The following NDST3 variants were observed in gnomAD, a reference collection of about 807,000 sequenced individuals.
The protein encoded by NDST3 is N-deacetylase and N-sulfotransferase 3.
In NDST3, 58 loss-of-function variants were observed where a neutral mutation model predicts 96.1. The ratio of observed to expected loss-of-function variants is 0.60; its 90% CI spans 0.49 to 0.75. NDST3 has a LOEUF of 0.75. NDST3 is among the 30% of genes least tolerant of loss of function. The probability of loss-of-function intolerance (pLI) is 0.00; values close to 1 mark genes in which losing one functional copy is unlikely to be tolerated. For synonymous variants in NDST3, 333 were observed against 359.7 expected (o/e 0.93, Z 0.84); for missense variants, 788 against 1,034.2 (o/e 0.76, Z 3.27).
Position 118,205,348 on chromosome 4 carries a change from T to C in NDST3, c.1540-19143T>C, listed in dbSNP as rs1348462024. ...ATTGCCATTGAGTTCATATGCTAGA[T>C]ACATTGAGTTTATCTATTTATATAT... On this transcript the variant is annotated intron_variant, in intron 6 of 13. Coordinates refer to ENST00000296499, the MANE Select transcript of NDST3 (RefSeq NM_004784.3). 2.1e-5 allele frequency among the ~76,000 whole-genome samples: 3 copies of C among 144,800 alleles called. No individual in the cohort carries two copies. In the East Asian group the frequency reaches 5.9e-4, roughly 28 times the overall value. The allele number at this position is 144,800 out of a possible 152,430, so 95.0% of individuals were successfully genotyped here. A position where few individuals can be genotyped will look rare whatever the true frequency, so the allele number is the denominator to read the frequency against.
chr4:118,039,151 T>A (rs991680733), intron 1 of NDST3, among the ~76,000 whole-genome samples: 1 of 152,214 alleles, frequency 6.6e-6, no homozygotes, highest in Non-Finnish European at 1.5e-5. Context: ...AGCAACTCTA[T>A]TCATGCTGAA....
chr4:118,143,509 AT>A, intron 5 of NDST3, 46 bp from the exon 6 acceptor site: 1 of 1,576,748 alleles, frequency 6.3e-7, no homozygotes, highest in African/African-American at 1.4e-5. Context: ...CAACAAATTG[AT>A]TGGAAAAAAA....
intron 6 of NDST3, among the ~76,000 whole-genome samples, chr4:118,195,268 C>A (rs1737594757): frequency 2.0e-5 from 3 of 152,168 alleles, no homozygotes; most frequent in African/African-American, 7.2e-5. Context: ...ACCCAAATCT[C>A]ACCTTGAATT....
chr4:118,239,037 T>A (rs913006318), intron 10 of NDST3, among the ~76,000 whole-genome samples: 1 of 152,152 alleles, frequency 6.6e-6, no homozygotes, highest in Non-Finnish European at 1.5e-5. Flanking sequence ...AAGACAAACG[T>A]GGAATGTTCT....
At chr4:118,079,723 T>C (rs936803108) in intron 2 of NDST3, among the ~76,000 whole-genome samples, 1 of 152,186 alleles carries the variant, frequency 6.6e-6, no homozygotes, top group Non-Finnish European at 1.5e-5. Flanking sequence ...AAAATTATAC[T>C]GGCTGTCGTA....
At chr4:118,221,994 A>G (rs1739577871) in intron 6 of NDST3, among the ~76,000 whole-genome samples, 1 of 70,466 alleles carries the variant, frequency 1.4e-5, no homozygotes, top group African/African-American at 3.5e-5. Context: ...TTTCCATCTA[A>G]AAAAAAAAAA....
intron 8 of NDST3, among the ~76,000 whole-genome samples, chr4:118,232,573 G>C (rs2126000202): frequency 6.6e-6 from 1 of 151,864 alleles, no homozygotes; most frequent in South Asian, 2.1e-4. Flanking sequence ...CTGGTGTCAA[G>C]GTTGTAGTGA....
In NDST3 at chr4:118,058,628, TGTGTGTGCGCGC is replaced by T. The variant is rs1165821837; in HGVS notation, c.981+3739_981+3750del. 5.2e-3 allele frequency among the ~76,000 whole-genome samples: 528 copies of T among 101,308 alleles called. 6 individuals carry two copies. Among genetic ancestry groups the T allele is most frequent in the African/African-American group, 0.019 (496 of 25,590 alleles). 66.5% of individuals were successfully genotyped at this position (101,308 alleles called of 152,430 possible). On this transcript the variant is annotated intron_variant, in intron 2 of 13. Transcript: ENST00000296499. ...GTGTGTGTGTGTGTGTGTGTGTGTG[TGTGTGTGCGCGC>T]GCGCGCACGCATGCATGCAAACGTG...
intron 11 of NDST3, among the ~76,000 whole-genome samples, chr4:118,241,383 T>G (rs764722918): frequency 2.6e-5 from 4 of 152,246 alleles, no homozygotes; most frequent in Admixed American, 6.5e-5. Context: ...AGTGCTGGTC[T>G]AGGCTAAACA....
chr4:118,063,417 T>C (rs1045681563), intron 2 of NDST3, among the ~76,000 whole-genome samples: 4 of 152,144 alleles, frequency 2.6e-5, no homozygotes, highest in Non-Finnish European at 4.4e-5. Flanking sequence ...TCAAAGGATA[T>C]GCTGATGAAT....
At chr4:118,184,384 C>T (rs4834668) in intron 6 of NDST3, among the ~76,000 whole-genome samples, 77,726 of 151,710 alleles carry the variant, frequency 0.51, 24,021 homozygotes, top group East Asian at 0.74. Flanking sequence ...CATCCAAATA[C>T]TTAAAAGCCT....
At chr4:118,111,209 G>A (rs977687875) in intron 3 of NDST3, among the ~76,000 whole-genome samples, 1 of 152,154 alleles carries the variant, frequency 6.6e-6, no homozygotes, top group African/African-American at 2.4e-5. Flanking sequence ...ACTACCTGTT[G>A]TGTACTATGC....
intron 6 of NDST3, among the ~76,000 whole-genome samples, chr4:118,192,719 T>G (rs1382330178): frequency 1.3e-5 from 2 of 151,408 alleles, no homozygotes; most frequent in African/African-American, 4.9e-5. Flanking sequence ...GTGGGTTTTT[T>G]TTTTTGTTTT....
chr4:118,110,324 T>C (rs1730536648), intron 3 of NDST3, among the ~76,000 whole-genome samples: 2 of 152,222 alleles, frequency 1.3e-5, no homozygotes, highest in South Asian at 4.1e-4. Flanking sequence ...GAATGATAGT[T>C]AAGGGCCCTG....
chr4:118,147,969 A>AT (rs1734073760), intron 6 of NDST3, among the ~76,000 whole-genome samples: 1 of 152,174 alleles, frequency 6.6e-6, no homozygotes, highest in Admixed American at 6.5e-5. Context: ...GTGCTTACCT[A>AT]TTAATCCAAA....
chr4:118,255,582 T>C lies in NDST3; in HGVS notation c.2503-11T>C, dbSNP rs1406685848. ...AATAAAATGTACTTTTCTCTCCTCCTCTCCACTTAGAGCAGGACATTTCTG... is the reference window on the plus strand; with the variant it reads ...AATAAAATGTACTTTTCTCTCCTCCCCTCCACTTAGAGCAGGACATTTCTG... On this transcript the variant is annotated splice_polypyrimidine_tract_variant and intron_variant, in intron 13 of 13. Transcript: ENST00000296499. 1 of 1,600,204 alleles carries C rather than the reference T, an allele frequency of 6.2e-7. No individual in the cohort carries two copies. The highest frequency in any genetic ancestry group is 8.5e-7 in the Non-Finnish European group (1 of 1,173,200).
intron 1 of NDST3, among the ~76,000 whole-genome samples, chr4:118,042,624 C>T (rs1212720977): frequency 1.3e-5 from 2 of 152,200 alleles, no homozygotes; most frequent in South Asian, 4.1e-4. Flanking sequence ...CATTAATCTG[C>T]ACCACTCTTT....
chr4:118,234,345 T>C (rs1001957741), intron 9 of NDST3, among the ~76,000 whole-genome samples: 2 of 151,952 alleles, frequency 1.3e-5, no homozygotes, highest in Non-Finnish European at 2.9e-5. Flanking sequence ...CCCATGGAGG[T>C]TGAGGCTGCA....
chr4:118,213,436 C>A (rs1738937143), intron 6 of NDST3, among the ~76,000 whole-genome samples: 1 of 152,052 alleles, frequency 6.6e-6, no homozygotes, highest in Non-Finnish European at 1.5e-5. Context: ...CAGATACCAA[C>A]TAAGATGTAT....
Sources: gnomAD v4.1 joint callset for allele counts (sites outside exome capture counted in the v4.1 genomes callset) on GRCh38, gnomAD v4.1.1 for gene constraint, MANE v1.5 for transcripts, NCBI Gene and HGNC (gene_info 2026-07-23, HGNC 2026-07-21) for gene names.